ACOT1: variants seen among roughly 807,000 people sequenced by gnomAD.
ACOT1 encodes the protein acyl-CoA thioesterase 1, also known as acyl-coenzyme A thioesterase 1.
A neutral mutation model predicts 15.7 loss-of-function variants in ACOT1; 8 were observed. The observed-to-expected ratio is 0.51, with a 90% CI of 0.30 to 0.92. The LOEUF is 0.92. ACOT1 is among the 40% of genes least tolerant of loss of function. The pLI, the probability that ACOT1 is intolerant of heterozygous loss-of-function variation, is 0.06. For synonymous variants in ACOT1, 67 were observed against 241.2 expected (o/e 0.28, Z 6.69); for missense variants, 151 against 539.4 (o/e 0.28, Z 7.13).
the ACOT1 span, chr14:73,492,938 A>G: frequency 6.2e-7 from 1 of 1,611,728 alleles, no homozygotes; most frequent in African/African-American, 1.3e-5. This position sits in a 1 kb window ranked among gnomAD's most constrained non-coding sequence, Gnocchi z 4.9. Flanking sequence ...TCTAGCCCTA[A>G]ATTAGTTTCT....
chr14:73,515,354 A>C, the ACOT1 span, among the ~76,000 whole-genome samples: 1 of 152,150 alleles, frequency 6.6e-6, no homozygotes, highest in Non-Finnish European at 1.5e-5. Flanking sequence ...TTGAGCAAGG[A>C]AGACATAACA....
chr14:73,502,853 AAGAATTTAG>A, the ACOT1 span: 1 of 1,496,990 alleles, frequency 6.7e-7, no homozygotes, highest in Non-Finnish European at 9.3e-7. Context: ...AAACACTTCT[AAGAATTTAG>A]AAGAGTGTCT....
the ACOT1 span, among the ~76,000 whole-genome samples, chr14:73,511,560 T>TA: frequency 0.012 from 1,047 of 88,978 alleles, 9 homozygotes; most frequent in African/African-American, 0.028. Flanking sequence ...AATAAATAAA[T>TA]AAATAAAATA....
At chr14:73,508,381 A>G in the ACOT1 span, 3 of 1,102,456 alleles carry the variant, frequency 2.7e-6, no homozygotes, top group Admixed American at 5.8e-5. Flanking sequence ...CAAGGCTGCT[A>G]CCCCACCTGA....
the ACOT1 span, chr14:73,496,758 G>A: frequency 7.5e-6 from 6 of 801,518 alleles, no homozygotes; most frequent in Non-Finnish European, 1.3e-5. Context: ...ATAGGACTTG[G>A]AATCAGGTAA....
chr14:73,527,624 A>G, the ACOT1 span, among the ~76,000 whole-genome samples: 1 of 151,990 alleles, frequency 6.6e-6, no homozygotes, highest in Non-Finnish European at 1.5e-5. Flanking sequence ...GAGTCTCTCA[A>G]CAGCAGAATT....
intron 1 of ACOT1, 67 bp downstream of exon 1, chr14:73,537,945 G>A: frequency 9.2e-7 from 1 of 1,086,288 alleles, no homozygotes; most frequent in Non-Finnish European, 1.2e-6. Context: ...CTGTGTGTGT[G>A]TGTGTGTCCC....
chr14:73,510,062 C>T, the ACOT1 span, among the ~76,000 whole-genome samples: 2 of 150,466 alleles, frequency 1.3e-5, no homozygotes, highest in East Asian at 2.0e-4. Context: ...GGGATTTCAC[C>T]GTGTTAGCCA....
the ACOT1 span, among the ~76,000 whole-genome samples, chr14:73,515,703 C>T: frequency 7.7e-6 from 1 of 129,922 alleles, no homozygotes; most frequent in African/African-American, 2.9e-5. Flanking sequence ...AAAAAAGAGT[C>T]CTGTGAGACT....
the ACOT1 span, chr14:73,521,049 GGT>G: frequency 6.2e-7 from 1 of 1,610,638 alleles, no homozygotes; most frequent in Non-Finnish European, 8.5e-7. Context: ...TCTTGGCAGG[GGT>G]GAGAAAGGAG....
the ACOT1 span, among the ~76,000 whole-genome samples, chr14:73,532,045 T>TA: frequency 1.8e-5 from 2 of 112,864 alleles, 1 homozygote; most frequent in Non-Finnish European, 3.8e-5. Flanking sequence ...AAAATAAAAA[T>TA]AAAAAAACCC....
chr14:73,513,372 T>C, the ACOT1 span, among the ~76,000 whole-genome samples: 1 of 151,620 alleles, frequency 6.6e-6, no homozygotes, highest in Non-Finnish European at 1.5e-5. Context: ...GGCAGGAGAA[T>C]CGCTTGAACC....
chr14:73,495,037 A>G, the ACOT1 span, among the ~76,000 whole-genome samples: 2 of 141,078 alleles, frequency 1.4e-5, no homozygotes, highest in Non-Finnish European at 3.1e-5. Context: ...AAATAAATGA[A>G]TAAAAACCCG....
At chr14:73,525,431 G>A in the ACOT1 span, among the ~76,000 whole-genome samples, 1 of 152,078 alleles carries the variant, frequency 6.6e-6, no homozygotes, top group Non-Finnish European at 1.5e-5. Context: ...AGGACTTTTT[G>A]CACATAAGGC....
At chr14:73,506,046 A>G in the ACOT1 span, among the ~76,000 whole-genome samples, 4 of 151,770 alleles carry the variant, frequency 2.6e-5, no homozygotes, top group Admixed American at 2.6e-4. Flanking sequence ...GCGTGCCACC[A>G]CACTCTGCTA....
chr14:73,499,700 C>T, the ACOT1 span, among the ~76,000 whole-genome samples: 1 of 152,104 alleles, frequency 6.6e-6, no homozygotes, highest in South Asian at 2.1e-4. Context: ...TTCTCTTGAA[C>T]ACTTCAAACA....
chr14:73,502,259 C>A, the ACOT1 span, among the ~76,000 whole-genome samples: 1 of 151,974 alleles, frequency 6.6e-6, no homozygotes, highest in African/African-American at 2.4e-5. Flanking sequence ...CTGAGTATTC[C>A]ATTTTTCTGC....
the ACOT1 span, chr14:73,493,170 C>A: frequency 6.6e-7 from 1 of 1,526,546 alleles, no homozygotes; most frequent in South Asian, 1.1e-5. Flanking sequence ...AAAAAAAACC[C>A]TTGATCCGTG....
the ACOT1 span, among the ~76,000 whole-genome samples, chr14:73,528,116 T>C: frequency 6.6e-6 from 1 of 151,234 alleles, no homozygotes; most frequent in Non-Finnish European, 1.5e-5. Flanking sequence ...TTAAGGAGGC[T>C]ATGCGCGGTG....
Sources: gnomAD v4.1 joint callset for allele counts (sites outside exome capture counted in the v4.1 genomes callset) on GRCh38, gnomAD v4.1.1 for gene constraint, Gnocchi (gnomAD v3.1) non-coding constraint, MANE v1.5 for transcripts, NCBI Gene and HGNC (gene_info 2026-07-23, HGNC 2026-07-21) for gene names.